The following ZNF654 variants were observed in gnomAD, a reference collection of about 807,000 sequenced individuals.
The protein encoded by ZNF654 is melanoma-associated antigen.
In ZNF654, 19 loss-of-function variants were observed where a neutral mutation model predicts 95.3. That is an observed-to-expected ratio of 0.20 (90% CI 0.14 to 0.29). ZNF654 has a LOEUF of 0.29. Among genes scored for constraint, ZNF654 ranks in the 10% least tolerant of loss-of-function variants. The pLI, the probability that ZNF654 is intolerant of heterozygous loss-of-function variation, is 1.00. For synonymous variants in ZNF654, 413 were observed against 457.9 expected (o/e 0.90, Z 1.25); for missense variants, 1,046 against 1,341.0 (o/e 0.78, Z 3.44).
At chr3:88,100,108 G>T (rs1424957902) in intron 2 of ZNF654, among the ~76,000 whole-genome samples, 1 of 152,122 alleles carries the variant, frequency 6.6e-6, no homozygotes, top group Non-Finnish European at 1.5e-5. Flanking sequence ...AATCTACAAA[G>T]AACTTAAACA....
chr3:88,108,712 A>G (rs1191901523), intron 2 of ZNF654, among the ~76,000 whole-genome samples: 2 of 152,064 alleles, frequency 1.3e-5, no homozygotes, highest in Non-Finnish European at 2.9e-5. Context: ...TGTTCAGGTA[A>G]CCCTTATTTT....
chr3:88,099,491 G>A (rs1384459511), intron 2 of ZNF654, among the ~76,000 whole-genome samples: 4 of 152,024 alleles, frequency 2.6e-5, no homozygotes, highest in South Asian at 4.1e-4. Flanking sequence ...AAGCTCATAC[G>A]GAACCAAAAA....
chr3:88,139,402 G>A lies in ZNF654; in HGVS notation c.1733G>A (p.Gly578Asp). Residue 578 changes from glycine to aspartate, a missense_variant, in exon 8 of 9, where the codon GGT (glycine) becomes GAT (aspartate). By Grantham distance (94) the Gly-to-Asp change is moderately conservative. This residue lies in a region of ZNF654 where 7 missense variants were observed against 26.7 expected (regional missense o/e 0.26). Coordinates refer to ENST00000636215, the MANE Select transcript of ZNF654 (RefSeq NM_001350134.2). ...KKGSFACVIC[G>D]RKFRNRGLMQ... ...GGCAGTTTTGCATGTGTAATATGTGGTAGGAAATTTAGAAACAGAGGACTT... is the reference window on the plus strand; with the variant it reads ...GGCAGTTTTGCATGTGTAATATGTGATAGGAAATTTAGAAACAGAGGACTT... The A allele has an allele frequency of 6.2e-7, 1 of 1,613,834 alleles. No homozygotes were observed. The highest frequency in any genetic ancestry group is 8.5e-7 in the Non-Finnish European group (1 of 1,179,802).
chr3:88,094,659 C>T (rs1703949788), intron 2 of ZNF654, among the ~76,000 whole-genome samples: 1 of 152,124 alleles, frequency 6.6e-6, no homozygotes, highest in Admixed American at 6.5e-5. Flanking sequence ...GATCTTTATT[C>T]TTTAAAAGTT....
chr3:88,061,149 G>C (rs6806879), intron 1 of ZNF654, among the ~76,000 whole-genome samples: 8,667 of 152,016 alleles, frequency 0.057, 273 homozygotes, highest in Admixed American at 0.079. Flanking sequence ...GGTAGATTTT[G>C]TATCTATAGG....
intron 1 of ZNF654, among the ~76,000 whole-genome samples, chr3:88,070,546 C>T (rs1707447933): frequency 6.9e-6 from 1 of 144,290 alleles, no homozygotes; most frequent in African/African-American, 2.7e-5. Flanking sequence ...GCCACTGTGG[C>T]AAAGGCAACA....
chr3:88,059,593 ATG>A (rs1706723373), intron 1 of ZNF654, 88 bp downstream of exon 1: 1 of 1,414,662 alleles, frequency 7.1e-7, no homozygotes, highest in African/African-American at 1.5e-5. Context: ...AATCTGGTCT[ATG>A]TCCAGTGCCC....
At chr3:88,098,653 C>A (rs1299763306) in intron 2 of ZNF654, among the ~76,000 whole-genome samples, 1 of 152,110 alleles carries the variant, frequency 6.6e-6, no homozygotes, top group Non-Finnish European at 1.5e-5. Context: ...GGGCTTCATC[C>A]CTGGGATGCA....
chr3:88,077,270 C>G (rs895362292), intron 1 of ZNF654, among the ~76,000 whole-genome samples: 1 of 151,934 alleles, frequency 6.6e-6, no homozygotes, highest in African/African-American at 2.4e-5. Context: ...AGTGTGCTTT[C>G]CATTTCTTTG....
chr3:88,124,015 T>C (rs1705933642), intron 3 of ZNF654, among the ~76,000 whole-genome samples: 1 of 152,336 alleles, frequency 6.6e-6, no homozygotes, highest in East Asian at 1.9e-4. Flanking sequence ...TCAATACCTT[T>C]ATATTTACCC....
intron 1 of ZNF654, among the ~76,000 whole-genome samples, chr3:88,081,096 T>C (rs1708053027): frequency 6.6e-6 from 1 of 152,170 alleles, no homozygotes; most frequent in African/African-American, 2.4e-5. Context: ...ATTAATATTT[T>C]GTAGAATATC....
chr3:88,112,287 TA>T (rs1268245475), intron 2 of ZNF654, among the ~76,000 whole-genome samples: 3 of 55,796 alleles, frequency 5.4e-5, no homozygotes, highest in African/African-American at 1.2e-4. Flanking sequence ...AAGCAAAAAC[TA>T]TTAAAAAAAC....
rs748688667 is a variant in ZNF654 at position 88,139,922 on chromosome 3, T to G, written c.2253T>G (p.Leu751=). 6.2e-7 allele frequency: 1 copy of G among 1,613,686 alleles called. No individual in the cohort carries two copies. ...DQEGNFKCPA[L]GCVRIFKRIG... is the part of the protein sequence containing the mutation. The stretch of plus-strand genomic sequence containing the variant: ...AAGGAAACTTTAAGTGTCCTGCTCT[T>G]GGTTGTGTCCGGATATTTAAAAGAA... The change falls in exon 8 of 9, where the codon CTT becomes CTG. Residue 751 remains leucine (L), a synonymous_variant. Coordinates refer to ENST00000636215, the MANE Select transcript of ZNF654 (RefSeq NM_001350134.2).
chr3:88,141,153 A>C, intron 8 of ZNF654, 105 bp downstream of exon 8: 1 of 1,309,712 alleles, frequency 7.6e-7, no homozygotes, highest in South Asian at 1.5e-5. Flanking sequence ...TTTGTGTAGC[A>C]CAGGTAGTGA....
intron 2 of ZNF654, among the ~76,000 whole-genome samples, chr3:88,090,112 C>T (rs1708555631): frequency 6.6e-6 from 1 of 152,086 alleles, no homozygotes; most frequent in Non-Finnish European, 1.5e-5. Flanking sequence ...TGTACATGCT[C>T]TACTTTTTAT....
chr3:88,118,605 A>G (rs1705560295), intron 3 of ZNF654, among the ~76,000 whole-genome samples: 1 of 152,222 alleles, frequency 6.6e-6, no homozygotes, highest in Admixed American at 6.5e-5. Flanking sequence ...AGTACTTGGA[A>G]TAAGTTTCCC....
chr3:88,117,820 A>G (rs1254915945), intron 3 of ZNF654, among the ~76,000 whole-genome samples: 1 of 152,144 alleles, frequency 6.6e-6, no homozygotes, highest in Non-Finnish European at 1.5e-5. Context: ...GGGTGGTGAC[A>G]TTTGTTAAGG....
intron 4 of ZNF654, among the ~76,000 whole-genome samples, chr3:88,127,806 G>T (rs1438787602): frequency 6.6e-6 from 1 of 152,140 alleles, no homozygotes; most frequent in Non-Finnish European, 1.5e-5. Context: ...GGGAAAAGCT[G>T]CTCTAGAGCC....
chr3:88,140,447 A>G lies in ZNF654; in HGVS notation c.2778A>G (p.Thr926=). 6.2e-7 allele frequency: 1 copy of G among 1,613,658 alleles called. No individual in the cohort carries two copies. The highest frequency in any genetic ancestry group is 8.5e-7 in the Non-Finnish European group (1 of 1,179,700). ...GGAAAGAGTCTACAGAACCAAAGAC[A>G]TGTATAGAAAGTATGGAAAAGAAAA... ...KSRKESTEPK[T]CIESMEKKTD... The change falls in exon 8 of 9, where the codon ACA becomes ACG. Residue 926 remains threonine (T), a synonymous_variant. Coordinates refer to ENST00000636215, the MANE Select transcript of ZNF654 (RefSeq NM_001350134.2).
Sources: allele counts gnomAD v4.1 joint callset (sites outside exome capture counted in the v4.1 genomes callset), GRCh38; gene constraint gnomAD v4.1.1; regional missense constraint gnomAD v4.1.1; transcripts MANE v1.5; gene names NCBI Gene and HGNC (gene_info 2026-07-23, HGNC 2026-07-21).